Variants in ATP13A3 observed in about 807,000 individuals in gnomAD.
The protein encoded by ATP13A3 is polyamine-transporting ATPase 13A3.
A neutral mutation model predicts 158.1 loss-of-function variants in ATP13A3; 59 were observed. The observed-to-expected ratio is 0.37, with a 90% CI of 0.30 to 0.46. The LOEUF (loss-of-function observed/expected upper bound fraction) is 0.46. ATP13A3 is among the 20% of genes least tolerant of loss of function. The pLI is 1.00. For synonymous variants in ATP13A3, 491 were observed against 504.3 expected (o/e 0.97, Z 0.35); for missense variants, 1,166 against 1,525.2 (o/e 0.76, Z 3.92).
At chr3:194,479,291 G>A (rs539785400) in intron 2 of ATP13A3, among the ~76,000 whole-genome samples, 55 of 152,240 alleles carry the variant, frequency 3.6e-4, no homozygotes, top group African/African-American at 1.2e-3. Context: ...TCAATTAAGC[G>A]TGTGCTAGGT....
chr3:194,441,960 C>T (rs190580725), intron 15 of ATP13A3, among the ~76,000 whole-genome samples: 65 of 152,318 alleles, frequency 4.3e-4, no homozygotes, highest in African/African-American at 1.5e-3. Flanking sequence ...ATGCACCAGG[C>T]ATTATTCTAA....
chr3:194,466,171 T>C (rs1719978075), intron 2 of ATP13A3, among the ~76,000 whole-genome samples: 1 of 152,020 alleles, frequency 6.6e-6, no homozygotes, highest in African/African-American at 2.4e-5. Context: ...TGACCTCAGC[T>C]TCCACCTTAA....
rs747642262 is a variant in ATP13A3 at position 194,428,923 on chromosome 3, G to A, written c.2875-6C>T. 14 of 1,539,752 alleles carry A rather than the reference G, an allele frequency of 9.1e-6. No individual in the cohort carries two copies. In the South Asian group the frequency reaches 1.6e-4, roughly 17 times the overall value. Reference sequence around the variant, plus strand: ...TCTCCTAGGTTACTTAAGATCTACAGAAGTAATTTTAAAAACATTATTAGT... The same window carrying A: ...TCTCCTAGGTTACTTAAGATCTACAAAAGTAATTTTAAAAACATTATTAGT... On this transcript the variant is annotated splice_polypyrimidine_tract_variant and splice_region_variant and intron_variant, in intron 27 of 33. Transcript: ENST00000645319.
chr3:194,466,060 T>G (rs577842301), intron 2 of ATP13A3, among the ~76,000 whole-genome samples: 74 of 152,090 alleles, frequency 4.9e-4, no homozygotes, highest in African/African-American at 1.7e-3. Flanking sequence ...TATTCTGAAC[T>G]GAATAAAAAT....
chr3:194,479,729 G>A (rs1720675103), intron 2 of ATP13A3, among the ~76,000 whole-genome samples: 1 of 151,656 alleles, frequency 6.6e-6, no homozygotes, highest in Non-Finnish European at 1.5e-5. Context: ...TGACTAATCA[G>A]AATTTTTAAA....
intron 15 of ATP13A3, among the ~76,000 whole-genome samples, chr3:194,442,743 A>G (rs2108872583): frequency 6.6e-6 from 1 of 152,330 alleles, no homozygotes; most frequent in Middle Eastern, 3.4e-3. Context: ...AAGAAGCATC[A>G]TGAATCCTGT....
chr3:194,433,927 GT>G, intron 20 of ATP13A3, 31 bp from the exon 21 acceptor site: 1 of 1,600,972 alleles, frequency 6.2e-7, no homozygotes, highest in African/African-American at 1.3e-5. Context: ...ACACATAATG[GT>G]TTAGTCAATT....
chr3:194,455,241 G>C (rs1477404024), intron 8 of ATP13A3, among the ~76,000 whole-genome samples: 2 of 151,418 alleles, frequency 1.3e-5, no homozygotes, highest in East Asian at 3.8e-4. Flanking sequence ...GAGATAAAGG[G>C]AGACCTTGGC....
intron 29 of ATP13A3, among the ~76,000 whole-genome samples, 194 bp from the exon 30 acceptor site, chr3:194,425,723 C>A (rs1475052797): frequency 6.6e-6 from 1 of 151,988 alleles, no homozygotes; most frequent in African/African-American, 2.4e-5. Flanking sequence ...CTCTTCAGTC[C>A]GACATCTCAA....
chr3:194,432,634 A>C (rs576619727), intron 21 of ATP13A3, among the ~76,000 whole-genome samples: 2 of 152,364 alleles, frequency 1.3e-5, no homozygotes, highest in East Asian at 1.9e-4. Flanking sequence ...TTGACAAAGA[A>C]GACGCAAGAA....
chr3:194,461,187 G>A (rs1318655766), intron 3 of ATP13A3, among the ~76,000 whole-genome samples: 2 of 151,448 alleles, frequency 1.3e-5, no homozygotes, highest in African/African-American at 2.4e-5. Flanking sequence ...GTTATGAGGT[G>A]GGCTTTTTTT....
chr3:194,421,122 A>ATATATATATAG lies in ATP13A3; in HGVS notation c.3314-1156_3314-1155insCTATATATATA, dbSNP rs1560074792. ...ATACCAGTGTGTAGGGTGTATATAT[A>ATATATATATAG]TATATATATATATAGTATATATATA... On this transcript the variant is annotated intron_variant, in intron 30 of 33. Transcript: ENST00000645319. 6.5e-3 allele frequency among the ~76,000 whole-genome samples: 470 copies of ATATATATATAG among 71,948 alleles called. 60 individuals are homozygous for ATATATATATAG. The highest frequency in any genetic ancestry group is 0.051 in the African/African-American group (460 of 8,936). 47.2% of individuals were successfully genotyped at this position (71,948 alleles called of 152,430 possible).
intron 16 of ATP13A3, among the ~76,000 whole-genome samples, chr3:194,440,030 C>A (rs1471834217): frequency 1.3e-5 from 2 of 152,108 alleles, no homozygotes; most frequent in Non-Finnish European, 2.9e-5. Context: ...TATCCAGTCA[C>A]CTCCTCCCTC....
At chr3:194,447,757 G>T in intron 13 of ATP13A3, 95 bp downstream of exon 13, 1 of 1,118,070 alleles carries the variant, frequency 8.9e-7, no homozygotes, top group Non-Finnish European at 1.3e-6. Flanking sequence ...TAAAATTTTA[G>T]TTCCTCATTC....
At chr3:194,461,572 T>G (rs926044117) in intron 3 of ATP13A3, among the ~76,000 whole-genome samples, 1 of 152,190 alleles carries the variant, frequency 6.6e-6, no homozygotes, top group Admixed American at 6.5e-5. Context: ...CCAACAAGCG[T>G]TGCCAGATTT....
chr3:194,428,439 C>G (rs1053321870), intron 28 of ATP13A3, among the ~76,000 whole-genome samples: 3 of 151,924 alleles, frequency 2.0e-5, no homozygotes, highest in African/African-American at 4.8e-5. Context: ...ATCTAGGGGA[C>G]TACGGGAAAA....
At chr3:194,455,392 A>AT (rs1232707825) in intron 8 of ATP13A3, among the ~76,000 whole-genome samples, 5 of 152,138 alleles carry the variant, frequency 3.3e-5, no homozygotes, top group African/African-American at 1.2e-4. Context: ...ACCAAATGAG[A>AT]TAATTGGAAA....
intron 13 of ATP13A3, among the ~76,000 whole-genome samples, chr3:194,447,365 A>G (rs554316192): frequency 3.3e-5 from 5 of 152,202 alleles, no homozygotes; most frequent in Non-Finnish European, 5.9e-5. Context: ...TCAAGGCGCT[A>G]CATACTTCAC....
At chr3:194,475,598 T>C (rs1720492230) in intron 2 of ATP13A3, among the ~76,000 whole-genome samples, 1 of 152,166 alleles carries the variant, frequency 6.6e-6, no homozygotes, top group African/African-American at 2.4e-5. Context: ...AATACAGTAA[T>C]ATAAGTTGCT....
Sources: gnomAD v4.1 joint callset for allele counts (sites outside exome capture counted in the v4.1 genomes callset) on GRCh38, gnomAD v4.1.1 for gene constraint, MANE v1.5 for transcripts, NCBI Gene and HGNC (gene_info 2026-07-23, HGNC 2026-07-21) for gene names.